Variants in RANBP2 observed in about 807,000 individuals in gnomAD.
RANBP2 encodes the protein E3 SUMO-protein ligase RanBP2.
A neutral mutation model predicts 303.6 loss-of-function variants in RANBP2; 57 were observed. That is an observed-to-expected ratio of 0.19 (90% confidence interval 0.15 to 0.23). The LOEUF is 0.23. RANBP2 is among the 10% of genes least tolerant of loss of function. The pLI, the probability that RANBP2 is intolerant of heterozygous loss-of-function variation, is 1.00. For synonymous variants in RANBP2, 1,167 were observed against 1,301.5 expected (o/e 0.90, Z 2.23); for missense variants, 3,138 against 3,780.8 (o/e 0.83, Z 4.46).
At chr2:108,747,538 TG>T (rs1438301412) in intron 8 of RANBP2, among the ~76,000 whole-genome samples, 1 of 152,240 alleles carries the variant, frequency 6.6e-6, no homozygotes, top group Non-Finnish European at 1.5e-5. Flanking sequence ...CTTTTTTTTG[TG>T]GGAGTTAGGC....
the RANBP2 span, among the ~76,000 whole-genome samples, chr2:109,346,386 C>G: frequency 6.6e-6 from 1 of 152,326 alleles, no homozygotes. Flanking sequence ...ACTACTGCTT[C>G]AGGCTTTTGT....
At chr2:109,541,709 T>G in the RANBP2 span, among the ~76,000 whole-genome samples, 1 of 152,220 alleles carries the variant, frequency 6.6e-6, no homozygotes, top group Non-Finnish European at 1.5e-5. Flanking sequence ...TAGGAATGCC[T>G]CCTTCTTTCA....
At chr2:108,877,583 G>A in the RANBP2 span, among the ~76,000 whole-genome samples, 8 of 118,662 alleles carry the variant, frequency 6.7e-5, no homozygotes, top group South Asian at 6.2e-4. Context: ...AAGGTGTCTC[G>A]GAACTCAGAG....
chr2:108,931,281 C>T, the RANBP2 span, among the ~76,000 whole-genome samples: 2 of 152,210 alleles, frequency 1.3e-5, no homozygotes, highest in Non-Finnish European at 2.9e-5. Flanking sequence ...ACACGGAGGG[C>T]CCAAGGTTAA....
At chr2:109,676,105 T>G in the RANBP2 span, among the ~76,000 whole-genome samples, 1 of 152,268 alleles carries the variant, frequency 6.6e-6, no homozygotes, top group African/African-American at 2.4e-5. Context: ...GAAGCGCTCA[T>G]GAGAAGCCTT....
the RANBP2 span, among the ~76,000 whole-genome samples, chr2:109,420,148 A>G: frequency 6.6e-6 from 1 of 152,228 alleles, no homozygotes; most frequent in Non-Finnish European, 1.5e-5. Flanking sequence ...CTAGGAAGTG[A>G]GATGTTTATC....
chr2:109,713,198 C>T, the RANBP2 span, among the ~76,000 whole-genome samples: 4 of 152,148 alleles, frequency 2.6e-5, no homozygotes, highest in South Asian at 2.1e-4. Context: ...AGACCCACTT[C>T]GTGGAGGAGA....
At chr2:109,149,260 T>C in the RANBP2 span, among the ~76,000 whole-genome samples, 2 of 152,190 alleles carry the variant, frequency 1.3e-5, no homozygotes, top group African/African-American at 2.4e-5. Context: ...GAATGTTCTA[T>C]GGCCCCCCGG....
intron 7 of RANBP2, among the ~76,000 whole-genome samples, chr2:108,744,405 CAAAA>C (rs35651916): frequency 7.5e-6 from 1 of 133,810 alleles, no homozygotes; most frequent in Non-Finnish European, 1.7e-5. Flanking sequence ...GACTCCATCT[CAAAA>C]AAAAAAAAAG....
At chr2:109,426,788 A>C in the RANBP2 span, among the ~76,000 whole-genome samples, 1 of 152,262 alleles carries the variant, frequency 6.6e-6, no homozygotes, top group Non-Finnish European at 1.5e-5. Flanking sequence ...GAAAGAGTCA[A>C]TGTAGCAAAC....
chr2:109,399,795 C>T, the RANBP2 span, among the ~76,000 whole-genome samples: 2 of 152,330 alleles, frequency 1.3e-5, no homozygotes, highest in South Asian at 4.1e-4. Flanking sequence ...AAGGGGCTTT[C>T]CCAGTGCCCG....
chr2:109,794,570 TC>T, the RANBP2 span: 1 of 81,632 alleles, frequency 1.2e-5, no homozygotes, highest in Non-Finnish European at 1.4e-5. Flanking sequence ...GACGGCGGCC[TC>T]GACCCGGCCG....
At chr2:108,831,456 T>A in the RANBP2 span, among the ~76,000 whole-genome samples, 16 of 152,196 alleles carry the variant, frequency 1.1e-4, no homozygotes, top group Non-Finnish European at 2.2e-4. Flanking sequence ...ATATAAATAC[T>A]GTCGGAAGAG....
At chr2:109,161,783 C>T in the RANBP2 span, among the ~76,000 whole-genome samples, 1 of 151,920 alleles carries the variant, frequency 6.6e-6, no homozygotes, top group Admixed American at 6.6e-5. Flanking sequence ...CACTCACCAC[C>T]ACCCCCAGGG....
Position 108,749,249 on chromosome 2 carries a change from G to C in RANBP2, c.1273+120G>C. On this transcript the variant is annotated intron_variant, in intron 9 of 28. Transcript: ENST00000283195. Reference sequence around the variant, plus strand: ...TGTATTCCTTTTGTGTGTGGGTTGGGCTGGGGGGAGTTTGAATGTGGTGCT... The same window carrying C: ...TGTATTCCTTTTGTGTGTGGGTTGGCCTGGGGGGAGTTTGAATGTGGTGCT... The C allele has an allele frequency of 2.0e-6, 3 of 1,525,318 alleles. No homozygotes were observed. The South Asian group carries it at 3.4e-5, about 17-fold the overall frequency. The allele number at this position is 1,525,318 out of a possible 1,614,324, so 94.5% of individuals were successfully genotyped here.
chr2:109,493,471 A>G, the RANBP2 span, among the ~76,000 whole-genome samples: 1 of 151,684 alleles, frequency 6.6e-6, no homozygotes, highest in African/African-American at 2.4e-5. Context: ...CACTATACAT[A>G]CAAACACATA....
the RANBP2 span, among the ~76,000 whole-genome samples, chr2:109,355,839 G>A: frequency 6.6e-6 from 1 of 152,188 alleles, no homozygotes. Context: ...ATACTAATGA[G>A]TCTGTGAAGC....
chr2:109,491,740 T>C, the RANBP2 span, among the ~76,000 whole-genome samples: 36 of 152,316 alleles, frequency 2.4e-4, no homozygotes, highest in South Asian at 2.1e-3. Context: ...TAGAAAGATA[T>C]GATCCTTACT....
At chr2:109,506,766 A>G in the RANBP2 span, among the ~76,000 whole-genome samples, 2 of 152,238 alleles carry the variant, frequency 1.3e-5, no homozygotes, top group Admixed American at 6.5e-5. Flanking sequence ...TCTTGAATGT[A>G]GCAGAAATAC....
Sources: allele counts gnomAD v4.1 joint callset (sites outside exome capture counted in the v4.1 genomes callset), GRCh38; gene constraint gnomAD v4.1.1; transcripts MANE v1.5; gene names NCBI Gene and HGNC (gene_info 2026-07-23, HGNC 2026-07-21).